Variants in DNMT3B observed in about 807,000 individuals in gnomAD.
DNMT3B encodes DNA (cytosine-5)-methyltransferase 3B.
A neutral mutation model predicts 120.2 loss-of-function variants in DNMT3B; 37 were observed. The ratio of observed to expected loss-of-function variants is 0.31; its 90% CI spans 0.24 to 0.40. DNMT3B has a LOEUF of 0.40. Ranked by LOEUF, DNMT3B falls within the 10% of genes least tolerant of loss-of-function variation. DNMT3B has a pLI of 1.00. For missense variants in DNMT3B, 878 were observed against 1,137.3 expected (o/e 0.77, Z 3.28); for synonymous variants, 412 against 442.8 (o/e 0.93, Z 0.87).
chr20:32,780,228 C>T, intron 1 of DNMT3B, 90 bp from the exon 2 acceptor site: 1 of 1,613,140 alleles, frequency 6.2e-7, no homozygotes, highest in East Asian at 2.2e-5. Flanking sequence ...GGGGCCTTGG[C>T]CTGAGAACAC....
At chr20:32,795,279 A>G in intron 10 of DNMT3B, 130 bp from the exon 11 acceptor site, 1 of 1,425,874 alleles carries the variant, frequency 7.0e-7, no homozygotes, top group East Asian at 2.3e-5. Context: ...GGCCATATAC[A>G]TTCAGTGTGG....
rs187704663 is a variant in DNMT3B at position 32,765,958 on chromosome 20, C to T, written c.-7+3259C>T. Among the ~76,000 whole-genome samples the T allele has an allele frequency of 3.1e-3, 467 of 151,874 alleles. 3 individuals carry two copies. The highest frequency in any genetic ancestry group is 0.011 in the African/African-American group (436 of 41,400). ...ATTTTTAGTAGAGACGGGGTTTCACCGTGTTCGCCAGGATGGTCTCAATCT... is the reference window on the plus strand; with the variant it reads ...ATTTTTAGTAGAGACGGGGTTTCACTGTGTTCGCCAGGATGGTCTCAATCT... On this transcript the variant is annotated intron_variant, in intron 1 of 22. Coordinates refer to ENST00000328111, the MANE Select transcript of DNMT3B (RefSeq NM_006892.4).
At chr20:32,807,707 G>T in intron 22 of DNMT3B, 55 bp from the exon 23 acceptor site, 5 of 1,611,114 alleles carry the variant, frequency 3.1e-6, no homozygotes, top group Non-Finnish European at 4.2e-6. Flanking sequence ...GGTTGAGGCT[G>T]TCAACATCCT....
chr20:32,801,259 T>C lies in DNMT3B; in HGVS notation c.1997-19T>C. 1.2e-6 allele frequency: 2 copies of C among 1,614,158 alleles called. No homozygotes were observed. Among genetic ancestry groups the C allele is most frequent in the Non-Finnish European group, 1.7e-6 (2 of 1,180,034 alleles). On this transcript the variant is annotated intron_variant, in intron 18 of 22. Coordinates refer to ENST00000328111, the MANE Select transcript of DNMT3B (RefSeq NM_006892.4). ...GAGGTTTCAAATGAACCCTGCGCTG[T>C]CATCTTTTCTGAGCACAGAGGGTAC...
At position 32,801,310 on chromosome 20, in the gene DNMT3B, C is replaced by A; in HGVS notation, c.2029C>A (p.His677Asn). The change falls in exon 19 of 23, where the codon CAC (histidine) becomes AAC (asparagine). Residue 677 changes from histidine to asparagine, a missense_variant. Physicochemically the swap from His to Asn is moderately conservative, Grantham distance 68 (BLOSUM62 1). This residue lies in a region of DNMT3B where 334 missense variants were observed against 518.8 expected (regional missense o/e 0.64). Coordinates refer to ENST00000328111, the MANE Select transcript of DNMT3B (RefSeq NM_006892.4). Reference protein sequence around the residue: ...GTGRLFFEFYHLLNYSRPKEG... With the variant: ...GTGRLFFEFYNLLNYSRPKEG... ...AGGCCGGCTCTTCTTCGAATTTTAC[C>A]ACCTGCTGAATTACTCACGCCCCAA... 1 of 1,614,148 alleles carries A rather than the reference C, an allele frequency of 6.2e-7. No individual in the cohort carries two copies. Among genetic ancestry groups the A allele is most frequent in the Non-Finnish European group, 8.5e-7 (1 of 1,180,026 alleles).
At chr20:32,771,100 T>C (rs960962713) in intron 1 of DNMT3B, among the ~76,000 whole-genome samples, 8 of 152,196 alleles carry the variant, frequency 5.3e-5, no homozygotes, top group Non-Finnish European at 1.0e-4. Flanking sequence ...TTGTGATTTT[T>C]ACCTTTTCAA....
chr20:32,807,712 C>A (rs769406333), intron 22 of DNMT3B, 50 bp from the exon 23 acceptor site: 2 of 1,611,762 alleles, frequency 1.2e-6, no homozygotes, highest in South Asian at 2.2e-5. Context: ...AGGCTGTCAA[C>A]ATCCTGGAGG....
Position 32,762,667 on chromosome 20 carries a change from C to A in DNMT3B, c.-39C>A. 9.8e-6 allele frequency: 2 copies of A among 205,122 alleles called. No individual in the cohort carries two copies. The highest frequency in any genetic ancestry group is 1.4e-4 in the South Asian group (2 of 14,700). The allele number at this position is 205,122 out of a possible 1,614,324, so 12.7% of individuals were successfully genotyped here. On this transcript the variant is annotated 5_prime_UTR_variant, in exon 1 of 23. Transcript: ENST00000328111. The stretch of plus-strand genomic sequence containing the variant: ...AGCCAGCCCCGACCCGCGGCTCCGC[C>A]GCCCAGCCGCGCCCCAGCCAGCCCT...
At chr20:32,782,582 C>G (rs1225044690) in intron 3 of DNMT3B, among the ~76,000 whole-genome samples, 7 of 152,174 alleles carry the variant, frequency 4.6e-5, no homozygotes, top group Non-Finnish European at 1.5e-5. Context: ...CAGATTAACC[C>G]TGAATAGAGT....
intron 5 of DNMT3B, 75 bp from the exon 6 acceptor site, chr20:32,787,155 A>T (rs1438014127): frequency 1.3e-6 from 2 of 1,564,666 alleles, no homozygotes; most frequent in Non-Finnish European, 1.8e-6. Context: ...CCTAGGAGCC[A>T]TATGGGGGTG....
chr20:32,762,790 G>T (rs967911835), intron 1 of DNMT3B, 91 bp downstream of exon 1: 5 of 154,124 alleles, frequency 3.2e-5, no homozygotes, highest in Non-Finnish European at 7.2e-5. Context: ...GAAGCTGCCG[G>T]GGAGAGACCC....
In DNMT3B at chr20:32,788,954, G is replaced by T. The variant is rs754201724; in HGVS notation, c.755G>T (p.Arg252Leu). The change falls in exon 7 of 23, where the codon CGA becomes CTA. Residue 252 changes from arginine to leucine, a missense_variant. Physicochemically the swap from Arg to Leu is moderately radical, Grantham distance 102 (BLOSUM62 -2). Around this residue, in one of 4 missense-constraint regions of DNMT3B, gnomAD observed 50 missense variants for 89.7 expected, o/e 0.56. Coordinates refer to ENST00000328111, the MANE Select transcript of DNMT3B (RefSeq NM_006892.4). ...GTGTCTTGGAAGGCCACCTCCAAGC[G>T]ACAGGCTATGTCTGGCATGCGGTGG... Reference protein sequence around the residue: ...MVVSWKATSKRQAMSGMRWVQ... With the variant: ...MVVSWKATSKLQAMSGMRWVQ... 2.5e-6 allele frequency: 4 copies of T among 1,614,216 alleles called. No individual in the cohort carries two copies. Among genetic ancestry groups the T allele is most frequent in the Non-Finnish European group, 3.4e-6 (4 of 1,180,046 alleles).
At chr20:32,796,222 G>A (rs1204537941) in intron 12 of DNMT3B, among the ~76,000 whole-genome samples, 2 of 152,082 alleles carry the variant, frequency 1.3e-5, no homozygotes, top group Admixed American at 6.5e-5. Flanking sequence ...GAAGAGCTTC[G>A]GTTTAGAAAT....
At chr20:32,800,131 T>G in intron 16 of DNMT3B, 22 bp from the exon 17 acceptor site, 3 of 1,614,166 alleles carry the variant, frequency 1.9e-6, no homozygotes, top group Non-Finnish European at 2.5e-6. Context: ...TTTATGCTTC[T>G]GTGTCTCTCT....
At chr20:32,803,438 A>G (rs1386742470) in intron 20 of DNMT3B, among the ~76,000 whole-genome samples, 6 of 152,192 alleles carry the variant, frequency 3.9e-5, no homozygotes, top group Admixed American at 1.3e-4. Flanking sequence ...TTGCCCGTGT[A>G]CTTGGCTAAG....
At chr20:32,767,345 G>A (rs1037296381) in intron 1 of DNMT3B, among the ~76,000 whole-genome samples, 26 of 143,178 alleles carry the variant, frequency 1.8e-4, no homozygotes, top group African/African-American at 6.4e-4. Context: ...TGTAGGTCTG[G>A]CTACAGGGCC....
chr20:32,804,004 T>C (rs528845200), intron 20 of DNMT3B, among the ~76,000 whole-genome samples: 2 of 152,292 alleles, frequency 1.3e-5, no homozygotes, highest in South Asian at 4.1e-4. Context: ...TATGATGTTA[T>C]GCCCCAGGAG....
intron 20 of DNMT3B, among the ~76,000 whole-genome samples, chr20:32,804,845 C>T (rs1318682447): frequency 6.6e-6 from 1 of 152,110 alleles, no homozygotes; most frequent in East Asian, 1.9e-4. Context: ...GTAGGAACCA[C>T]TGCAGGCGGT....
intron 14 of DNMT3B, among the ~76,000 whole-genome samples, chr20:32,798,058 C>T (rs1411122014): frequency 6.6e-6 from 1 of 152,054 alleles, no homozygotes; most frequent in African/African-American, 2.4e-5. Context: ...TCTCCTACCT[C>T]AGCCTCCCAA....
Sources: allele counts gnomAD v4.1 joint callset (sites outside exome capture counted in the v4.1 genomes callset), GRCh38; gene constraint gnomAD v4.1.1; regional missense constraint gnomAD v4.1.1; transcripts MANE v1.5; gene names NCBI Gene and HGNC (gene_info 2026-07-23, HGNC 2026-07-21).